CHST11: variants seen among roughly 807,000 people sequenced by gnomAD.
The protein encoded by CHST11 is carbohydrate sulfotransferase 11, also known as C4S-1.
In CHST11, 9 loss-of-function variants were observed where a neutral mutation model predicts 30.4. The observed-to-expected ratio is 0.30, with a 90% CI of 0.18 to 0.52. CHST11 has a LOEUF of 0.52. Among genes scored for constraint, CHST11 ranks in the 20% least tolerant of loss-of-function variants. The probability of loss-of-function intolerance (pLI) is 0.97; values close to 1 mark genes in which losing one functional copy is unlikely to be tolerated. For synonymous variants in CHST11, 152 were observed against 187.8 expected, an observed-to-expected ratio of 0.81 and a Z score of 1.56; for missense variants, 348 against 460.6, an observed-to-expected ratio of 0.76 and a Z score of 2.24.
At chr12:104,574,103 T>C (rs558425699) in intron 1 of CHST11, among the ~76,000 whole-genome samples, 1 of 152,172 alleles carries the variant, frequency 6.6e-6, no homozygotes, top group Non-Finnish European at 1.5e-5. Context: ...AAAAGACACA[T>C]GAAAAAATGC....
intron 1 of CHST11, among the ~76,000 whole-genome samples, chr12:104,515,064 C>T (rs118129269): frequency 6.6e-6 from 1 of 152,086 alleles, no homozygotes. Context: ...GAATCTAGCC[C>T]GTCTCCCGCT....
intron 2 of CHST11, among the ~76,000 whole-genome samples, chr12:104,649,344 A>G (rs1566022714): frequency 6.6e-6 from 1 of 152,174 alleles, no homozygotes; most frequent in Non-Finnish European, 1.5e-5. Context: ...TTTTCCATGT[A>G]CAGGGCATTG....
At chr12:104,642,849 A>G (rs1352964972) in intron 2 of CHST11, among the ~76,000 whole-genome samples, 1 of 152,200 alleles carries the variant, frequency 6.6e-6, no homozygotes, top group Non-Finnish European at 1.5e-5. Flanking sequence ...AATTAAAACA[A>G]GAATACTTTT....
chr12:104,488,203 A>G (rs2037702328), intron 1 of CHST11, among the ~76,000 whole-genome samples: 1 of 152,136 alleles, frequency 6.6e-6, no homozygotes, highest in South Asian at 2.1e-4. Context: ...TTGGCTTTGC[A>G]CATGGGAACC....
intron 1 of CHST11, among the ~76,000 whole-genome samples, chr12:104,547,810 G>A (rs1035817133): frequency 6.6e-6 from 1 of 152,058 alleles, no homozygotes; most frequent in African/African-American, 2.4e-5. Context: ...AATTTATTAT[G>A]AGAATTAAAT....
chr12:104,738,574 G>A (rs758056398), intron 2 of CHST11, among the ~76,000 whole-genome samples: 10 of 152,200 alleles, frequency 6.6e-5, no homozygotes, highest in South Asian at 2.1e-4. Context: ...GCAATGAGGC[G>A]TTTCCTGAGC....
At chr12:104,698,451 T>C (rs1465973802) in intron 2 of CHST11, among the ~76,000 whole-genome samples, 1 of 152,214 alleles carries the variant, frequency 6.6e-6, no homozygotes, top group East Asian at 1.9e-4. Context: ...GACTATCTTT[T>C]TCCTTGTCTG....
intron 1 of CHST11, among the ~76,000 whole-genome samples, chr12:104,460,927 T>C (rs1310598869): frequency 6.6e-6 from 1 of 152,204 alleles, no homozygotes; most frequent in Non-Finnish European, 1.5e-5. Context: ...GGTTTTAGAC[T>C]CCATTTTAAT....
chr12:104,497,348 G>C (rs1043494965), intron 1 of CHST11, among the ~76,000 whole-genome samples: 3 of 152,198 alleles, frequency 2.0e-5, no homozygotes, highest in Admixed American at 6.5e-5. Flanking sequence ...CAGAGGAAAG[G>C]CCTCATGGGA....
At chr12:104,609,130 C>T (rs1009209504) in intron 2 of CHST11, among the ~76,000 whole-genome samples, 3 of 152,238 alleles carry the variant, frequency 2.0e-5, no homozygotes, top group Non-Finnish European at 2.9e-5. Context: ...CATGAAAGAG[C>T]AGACTTTGTA....
At chr12:104,655,456 C>G (rs1005560891) in intron 2 of CHST11, among the ~76,000 whole-genome samples, 3 of 152,154 alleles carry the variant, frequency 2.0e-5, no homozygotes, top group African/African-American at 4.8e-5. Flanking sequence ...CCCGGGGTTT[C>G]TCAGCAAAGG....
chr12:104,717,707 G>T (rs2040142186), intron 2 of CHST11, among the ~76,000 whole-genome samples: 1 of 152,264 alleles, frequency 6.6e-6, no homozygotes, highest in Admixed American at 6.5e-5. Flanking sequence ...GGAGGCGGAG[G>T]TTGCAGTGAG....
intron 1 of CHST11, among the ~76,000 whole-genome samples, chr12:104,516,899 A>C (rs1177293543): frequency 2.6e-5 from 4 of 152,104 alleles, no homozygotes; most frequent in Non-Finnish European, 1.5e-5. Context: ...CTTCTATCCT[A>C]TGCCTAAGTT....
intron 2 of CHST11, among the ~76,000 whole-genome samples, chr12:104,606,921 C>T (rs1019604739): frequency 4.6e-5 from 7 of 151,912 alleles, no homozygotes; most frequent in East Asian, 1.9e-4. Flanking sequence ...TACAAAAATT[C>T]GCCCGGCATG....
chr12:104,563,098 T>TG (rs1341579230), intron 1 of CHST11, among the ~76,000 whole-genome samples: 2 of 152,128 alleles, frequency 1.3e-5, no homozygotes, highest in African/African-American at 4.8e-5. Flanking sequence ...TGGAGTGCAG[T>TG]GGCATGATCT....
intron 2 of CHST11, among the ~76,000 whole-genome samples, chr12:104,744,361 G>A (rs926277859): frequency 1.4e-4 from 21 of 152,228 alleles, no homozygotes; most frequent in South Asian, 8.3e-4. Flanking sequence ...TCAGTGATGC[G>A]GAACTTTTTT....
intron 1 of CHST11, among the ~76,000 whole-genome samples, chr12:104,488,523 CTG>C (rs996678447): frequency 3.4e-5 from 5 of 146,874 alleles, no homozygotes; most frequent in African/African-American, 2.5e-5. Context: ...GTGTGTATCT[CTG>C]TGTGTATATG....
intron 2 of CHST11, among the ~76,000 whole-genome samples, chr12:104,658,101 G>A (rs61938624): frequency 6.6e-6 from 1 of 152,108 alleles, no homozygotes; most frequent in African/African-American, 2.4e-5. Flanking sequence ...GCGGGGGCTG[G>A]CTTAGAGCCC....
chr12:104,522,855 T>C (rs1004129171), intron 1 of CHST11, among the ~76,000 whole-genome samples: 7 of 152,080 alleles, frequency 4.6e-5, no homozygotes, highest in Admixed American at 1.3e-4. Context: ...CTCTGTAGGA[T>C]GGGTTTTATT....
Sources: allele counts gnomAD v4.1 joint callset (sites outside exome capture counted in the v4.1 genomes callset), GRCh38; gene constraint gnomAD v4.1.1; transcripts MANE v1.5; gene names NCBI Gene and HGNC (gene_info 2026-07-23, HGNC 2026-07-21).